The following LTBR variants were observed in gnomAD, a reference collection of about 807,000 sequenced individuals.
The protein encoded by LTBR is lymphotoxin beta receptor.
LTBR carries 15 observed loss-of-function variants against 45.4 expected under a neutral mutation model. The ratio of observed to expected loss-of-function variants is 0.33; its 90% CI spans 0.22 to 0.51. The LOEUF is 0.51. LTBR is among the 20% of genes least tolerant of loss of function. The pLI, the probability that LTBR is intolerant of heterozygous loss-of-function variation, is 0.97. For synonymous variants in LTBR, 228 were observed against 231.0 expected, an observed-to-expected ratio of 0.99 and a Z score of 0.12; for missense variants, 450 against 565.5, an observed-to-expected ratio of 0.80 and a Z score of 2.07.
At chr12:6,384,761 G>A (rs1313954201) in intron 2 of LTBR, 77 bp downstream of exon 2, 4 of 1,389,646 alleles carry the variant, frequency 2.9e-6, no homozygotes, top group South Asian at 1.2e-5. Flanking sequence ...GGCCTCAGAG[G>A]GAAGGTGGGC....
Position 6,386,330 on chromosome 12 carries a change from CT to C in LTBR, c.570-10del, listed in dbSNP as rs762200580. 21 of 1,608,916 alleles carry C rather than the reference CT, an allele frequency of 1.3e-5. No homozygotes were observed. The East Asian group carries it at 3.1e-4, about 24-fold the overall frequency. On this transcript the variant is annotated splice_polypyrimidine_tract_variant and intron_variant, in intron 5 of 9. Coordinates refer to ENST00000228918, the MANE Select transcript of LTBR (RefSeq NM_002342.3). This position sits in a 1 kb window ranked among gnomAD's most constrained non-coding sequence, Gnocchi z 4.1. ...GGCCAGGGCGTGAAAAGGTCATCATCTTTTTTTCCTCTGCAGGTGTGAGAAC... is the reference window on the plus strand; with the variant it reads ...GGCCAGGGCGTGAAAAGGTCATCATCTTTTTTCCTCTGCAGGTGTGAGAAC...
chr12:6,381,920 C>T (rs183091131), upstream of LTBR, among the ~76,000 whole-genome samples: 306 of 152,132 alleles, frequency 2.0e-3, 9 homozygotes, highest in Admixed American at 0.019. Context: ...TGTAGTGAGC[C>T]GAGATTGCAC....
intron 1 of LTBR, chr12:6,375,606 G>C (rs72645138): frequency 5.2e-5 from 69 of 1,320,734 alleles, no homozygotes; most frequent in Non-Finnish European, 6.5e-5. Context: ...TGAGCAGGGC[G>C]GGGGGAGGGG....
Position 6,390,410 on chromosome 12 carries a change from G to A in LTBR, c.1030+70G>A, listed in dbSNP as rs888297420. The A allele has an allele frequency of 5.9e-6, 8 of 1,366,704 alleles. No homozygotes were observed. The African/African-American group carries it at 8.7e-5, about 15-fold the overall frequency. The allele number at this position is 1,366,704 out of a possible 1,614,324, so 84.7% of individuals were successfully genotyped here. ...GATGGCTGGCAGGGAGAGACTGTGG[G>A]CCAGATGAAATAAAAAGACCAAAAC... On this transcript the variant is annotated intron_variant, in intron 9 of 9. Coordinates refer to ENST00000228918, the MANE Select transcript of LTBR (RefSeq NM_002342.3).
Position 6,391,083 on chromosome 12 carries a change from C to A in LTBR, c.*146C>A. The A allele has an allele frequency of 1.2e-6, 1 of 819,530 alleles. No homozygotes were observed. The highest frequency in any genetic ancestry group is 1.8e-6 in the Non-Finnish European group (1 of 565,614). 50.8% of individuals were successfully genotyped at this position (819,530 alleles called of 1,614,324 possible). A position where few individuals can be genotyped will look rare whatever the true frequency, so the allele number is the denominator to read the frequency against. On this transcript the variant is annotated 3_prime_UTR_variant, in exon 10 of 10. Transcript: ENST00000228918. The stretch of plus-strand genomic sequence containing the variant: ...ATTAAGGCTCAGACACCTCTGAGAG[C>A]AGGTGGGCACTGGCTGGGTACGGTG...
chr12:6,385,006 TCCA>T lies in LTBR; in HGVS notation c.194-14_194-12del. The stretch of plus-strand genomic sequence containing the variant: ...GCCTCGTCTCCTGAGGCTCTACTGC[TCCA>T]CTCACGTTCTAGGCACCTATGTCTC... On this transcript the variant is annotated splice_polypyrimidine_tract_variant and intron_variant, in intron 2 of 9. Transcript: ENST00000228918. 6.2e-7 allele frequency: 1 copy of T among 1,614,070 alleles called. No individual in the cohort carries two copies. The highest frequency in any genetic ancestry group is 8.5e-7 in the Non-Finnish European group (1 of 1,180,024).
intron 1 of LTBR, among the ~76,000 whole-genome samples, chr12:6,379,018 G>A (rs1411689448): frequency 2.0e-5 from 3 of 152,164 alleles, no homozygotes; most frequent in Admixed American, 1.3e-4. Context: ...TGTTCTCCGC[G>A]GACAGGAGAT....
intron 6 of LTBR, chr12:6,387,931 C>G (rs755642646): frequency 2.7e-5 from 12 of 436,990 alleles, no homozygotes; most frequent in South Asian, 1.9e-4. Flanking sequence ...AGCAGGGCAA[C>G]CCTAGCTCCT....
At position 6,375,616 on chromosome 12, in the gene LTBR, G is replaced by A. The variant is rs764749354; in HGVS notation, c.39+22G>A. ...AAAGGTGAGCAGGGCGGGGGGAGGG[G>A]CTGAGGAGGAGTCAGAGCCGGGAGT... On this transcript the variant is annotated intron_variant, in intron 1 of 9. Transcript: ENST00000539925. 10 of 826,516 alleles carry A rather than the reference G, an allele frequency of 1.2e-5. No individual in the cohort carries two copies. In the South Asian group the frequency reaches 1.4e-4, roughly 12 times the overall value. 51.2% of individuals were successfully genotyped at this position (826,516 alleles called of 1,614,324 possible).
chr12:6,382,393 A>G (rs1948993154), upstream of LTBR, among the ~76,000 whole-genome samples: 2 of 152,162 alleles, frequency 1.3e-5, no homozygotes, highest in Admixed American at 6.5e-5. Flanking sequence ...CTCTTTTGGT[A>G]TATTATCTTG....
rs1286056907 is a variant in LTBR at position 6,390,891 on chromosome 12, C to T, written c.1262C>T (p.Thr421Ile). 6.3e-7 allele frequency: 1 copy of T among 1,594,336 alleles called. No homozygotes were observed. Among genetic ancestry groups the T allele is most frequent in the African/African-American group, 1.3e-5 (1 of 74,214 alleles). The change falls in exon 10 of 10, where the codon ACA becomes ATA. Residue 421 changes from threonine to isoleucine, a missense_variant. Physicochemically the swap from Thr to Ile is moderately conservative, Grantham distance 89 (BLOSUM62 -1). Coordinates refer to ENST00000228918, the MANE Select transcript of LTBR (RefSeq NM_002342.3). ...HLAETEHCGA[T>I]PSNRGPRNQF... Reference sequence around the variant, plus strand: ...GCGGAGACAGAGCACTGTGGTGCCACACCCTCTAACAGGGGCCCAAGGAAC... The same window carrying T: ...GCGGAGACAGAGCACTGTGGTGCCATACCCTCTAACAGGGGCCCAAGGAAC...
Position 6,388,107 on chromosome 12 carries a change from A to G in LTBR, c.668-291A>G. 1 of 420,040 alleles carries G rather than the reference A, an allele frequency of 2.4e-6. No individual in the cohort carries two copies. Among genetic ancestry groups the G allele is most frequent in the South Asian group, 2.1e-5 (1 of 46,822 alleles). 26.0% of individuals were successfully genotyped at this position (420,040 alleles called of 1,614,324 possible). On this transcript the variant is annotated intron_variant, in intron 6 of 9. Transcript: ENST00000228918. This position sits in a 1 kb window ranked among gnomAD's most constrained non-coding sequence, Gnocchi z 4.3. ...CATCCTGCACACACAAGCCTGCCCA[A>G]TCCTGGTCTCTGAGCAGGAGGGCAC...
Position 6,388,375 on chromosome 12 carries a change from C to T in LTBR, c.668-23C>T, listed in dbSNP as rs199964883. 7 of 1,577,696 alleles carry T rather than the reference C, an allele frequency of 4.4e-6. No individual in the cohort carries two copies. Among genetic ancestry groups the T allele is most frequent in the Non-Finnish European group, 5.2e-6 (6 of 1,147,652 alleles). On this transcript the variant is annotated intron_variant, in intron 6 of 9. Coordinates refer to ENST00000228918, the MANE Select transcript of LTBR (RefSeq NM_002342.3). This position sits in a 1 kb window ranked among gnomAD's most constrained non-coding sequence, Gnocchi z 4.3. ...CTGCCCTTCTTGGGGCTGTGATCAC[C>T]CTCCTGTCTGCTGTCCTGGCAGGAA...
chr12:6,375,372 C>T, upstream of LTBR: 1 of 1,466,884 alleles, frequency 6.8e-7, no homozygotes, highest in Non-Finnish European at 9.0e-7. Context: ...TGTCCTGATT[C>T]TGTCTCTGCC....
In LTBR at chr12:6,386,583, T is replaced by G. The variant is rs1056938107; in HGVS notation, c.667+139T>G. 7.2e-5 allele frequency: 47 copies of G among 649,538 alleles called. No homozygotes were observed. Among genetic ancestry groups the G allele is most frequent in the Non-Finnish European group, 1.1e-4 (41 of 366,130 alleles). 40.2% of individuals were successfully genotyped at this position (649,538 alleles called of 1,614,324 possible). ...GAAGAAAGTTCCTTACAGAAAAAAT[T>G]GGAGTATCTCTAGGCTAGTTTACAC... On this transcript the variant is annotated intron_variant, in intron 6 of 9. Transcript: ENST00000228918. The surrounding 1 kb of genome is among the most constrained non-coding windows in gnomAD (Gnocchi z 4.1).
upstream of LTBR, among the ~76,000 whole-genome samples, chr12:6,381,182 G>A (rs1241385854): frequency 6.6e-6 from 1 of 152,200 alleles, no homozygotes; most frequent in East Asian, 1.9e-4. Context: ...ACAGCAGAGC[G>A]GGAAGCAGCT....
Position 6,388,418 on chromosome 12 carries a change from G to T in LTBR, c.688G>T (p.Val230Phe), listed in dbSNP as rs190288182. ...GGCAGGAACCATGCTGATGCTGGCC[G>T]TTCTGCTGCCACTGGCCTTCTTTCT... ...EMSGTMLMLA[V>F]LLPLAFFLLL... Residue 230 changes from valine (V) to phenylalanine (F), a missense_variant, in exon 7 of 10, where the codon GTT becomes TTT. Val to Phe is a conservative substitution (Grantham distance 50, BLOSUM62 -1). This residue lies in a region of LTBR where 367 missense variants were observed against 435.4 expected (regional missense o/e 0.84). Coordinates refer to ENST00000228918, the MANE Select transcript of LTBR (RefSeq NM_002342.3). The surrounding 1 kb of genome is among the most constrained non-coding windows in gnomAD (Gnocchi z 4.3). 3 of 1,613,722 alleles carry T rather than the reference G, an allele frequency of 1.9e-6. No individual in the cohort carries two copies. The highest frequency in any genetic ancestry group is 1.1e-5 in the South Asian group (1 of 91,078).
rs759151704 is a variant in LTBR at position 6,386,126 on chromosome 12, C to T, written c.533C>T (p.Thr178Ile). 1.9e-6 allele frequency: 3 copies of T among 1,613,646 alleles called. No homozygotes were observed. In the East Asian group the frequency reaches 6.7e-5, roughly 36 times the overall value. The stretch of plus-strand genomic sequence containing the variant: ...TGCAAGGCCGGGCACTTCCAGAATA[C>T]CTCCTCCCCCAGCGCCCGCTGCCAG... ...VPCKAGHFQN[T>I]SSPSARCQPH... The change falls in exon 5 of 10, where the codon ACC (threonine) becomes ATC (isoleucine). Residue 178 changes from threonine to isoleucine, a missense_variant. Physicochemically the swap from Thr to Ile is moderately conservative, Grantham distance 89 (BLOSUM62 -1). This residue lies in a region of LTBR where 367 missense variants were observed against 435.4 expected (regional missense o/e 0.84). Coordinates refer to ENST00000228918, the MANE Select transcript of LTBR (RefSeq NM_002342.3). This position sits in a 1 kb window ranked among gnomAD's most constrained non-coding sequence, Gnocchi z 4.1.
Position 6,386,135 on chromosome 12 carries a change from C to G in LTBR, c.542C>G (p.Pro181Arg), listed in dbSNP as rs969705179. 1.2e-6 allele frequency: 2 copies of G among 1,613,794 alleles called. No homozygotes were observed. The highest frequency in any genetic ancestry group is 1.7e-6 in the Non-Finnish European group (2 of 1,179,788). Residue 181 changes from proline to arginine, a missense_variant, in exon 5 of 10, where the codon CCC becomes CGC. Physicochemically the swap from Pro to Arg is moderately radical, Grantham distance 103. Transcript: ENST00000228918. This position sits in a 1 kb window ranked among gnomAD's most constrained non-coding sequence, Gnocchi z 4.1. Reference sequence around the variant, plus strand: ...GGGCACTTCCAGAATACCTCCTCCCCCAGCGCCCGCTGCCAGCCCCACACC... The same window carrying G: ...GGGCACTTCCAGAATACCTCCTCCCGCAGCGCCCGCTGCCAGCCCCACACC... ...KAGHFQNTSSPSARCQPHTRC... is the reference protein window; with the variant it reads ...KAGHFQNTSSRSARCQPHTRC...
Sources: allele counts gnomAD v4.1 joint callset (sites outside exome capture counted in the v4.1 genomes callset), GRCh38; gene constraint gnomAD v4.1.1; regional missense constraint gnomAD v4.1.1; non-coding constraint Gnocchi (gnomAD v3.1); transcripts MANE v1.5; gene names NCBI Gene and HGNC (gene_info 2026-07-23, HGNC 2026-07-21).